NME7: variants seen among roughly 807,000 people sequenced by gnomAD.
NME7 encodes NME/NM23 family member 7.
A neutral mutation model predicts 49.1 loss-of-function variants in NME7; 41 were observed. The ratio of observed to expected loss-of-function variants is 0.83; its 90% CI spans 0.65 to 1.08. NME7 has a LOEUF of 1.08. NME7 is among the 50% of genes least tolerant of loss of function. NME7 has a pLI of 0.00. For missense variants in NME7, 423 were observed against 463.4 expected (o/e 0.91, Z 0.80); for synonymous variants, 139 against 150.6 (o/e 0.92, Z 0.56).
At chr1:169,225,127 CAGAG>C (rs1032844636) in intron 10 of NME7, among the ~76,000 whole-genome samples, 2 of 151,916 alleles carry the variant, frequency 1.3e-5, no homozygotes, top group African/African-American at 2.4e-5. Flanking sequence ...TTTCTTTAGA[CAGAG>C]AGAGTATCAC....
At chr1:169,283,474 T>G (rs555499202) in intron 7 of NME7, among the ~76,000 whole-genome samples, 1 of 152,328 alleles carries the variant, frequency 6.6e-6, no homozygotes, top group Non-Finnish European at 1.5e-5. Context: ...AGTTGTGAAT[T>G]TGATCCTGTC....
intron 10 of NME7, among the ~76,000 whole-genome samples, chr1:169,191,427 C>T (rs1384148117): frequency 6.6e-6 from 1 of 152,134 alleles, no homozygotes; most frequent in Non-Finnish European, 1.5e-5. Context: ...ATGCGTAATT[C>T]TTGACCCTGA....
chr1:169,360,604 G>T (rs1047382202), intron 1 of NME7, among the ~76,000 whole-genome samples: 2 of 152,054 alleles, frequency 1.3e-5, no homozygotes, highest in Admixed American at 1.3e-4. Context: ...TCTCCCTCCT[G>T]TTCCTCTAAT....
chr1:169,237,774 C>CT, intron 7 of NME7, 87 bp from the exon 8 acceptor site: 2 of 975,426 alleles, frequency 2.1e-6, no homozygotes, highest in Non-Finnish European at 3.2e-6. Flanking sequence ...TAGCAAAGTA[C>CT]TTTTTGTTTA....
chr1:169,183,020 C>T (rs1037266425), intron 10 of NME7, among the ~76,000 whole-genome samples: 1 of 152,152 alleles, frequency 6.6e-6, no homozygotes, highest in African/African-American at 2.4e-5. Context: ...TAGGACACAC[C>T]TGCCTGAGAA....
At chr1:169,331,643 A>G (rs1652260317) in intron 1 of NME7, among the ~76,000 whole-genome samples, 1 of 152,222 alleles carries the variant, frequency 6.6e-6, no homozygotes, top group African/African-American at 2.4e-5. Context: ...AAATCATACA[A>G]ATATCAGTGG....
chr1:169,191,023 G>A lies in NME7; in HGVS notation c.991-21469C>T, dbSNP rs1393090306. On this transcript the variant is annotated intron_variant, in intron 10 of 11. Transcript: ENST00000367811. Reference sequence around the variant, plus strand: ...GAGACAGGGTTTCACCGTTTTAGCCGGGATGGTCTCGATCTCCTGACCTCG... The same window carrying A: ...GAGACAGGGTTTCACCGTTTTAGCCAGGATGGTCTCGATCTCCTGACCTCG... Among the ~76,000 whole-genome samples the A allele has an allele frequency of 1.1e-4, 8 of 71,010 alleles. 1 individual carries two copies. Among genetic ancestry groups the A allele is most frequent in the South Asian group, 4.0e-4 (1 of 2,472 alleles). The allele number at this position is 71,010 out of a possible 152,430, so 46.6% of individuals were successfully genotyped here. A position where few individuals can be genotyped will look rare whatever the true frequency, so the allele number is the denominator to read the frequency against.
chr1:169,226,031 T>TAA (rs1040253357), intron 10 of NME7, among the ~76,000 whole-genome samples: 2 of 152,180 alleles, frequency 1.3e-5, no homozygotes, highest in Admixed American at 6.5e-5. Context: ...TATATATATA[T>TAA]AATATAGCCA....
chr1:169,197,527 A>T (rs1483749129), intron 10 of NME7, among the ~76,000 whole-genome samples: 1 of 152,142 alleles, frequency 6.6e-6, no homozygotes, highest in Non-Finnish European at 1.5e-5. Flanking sequence ...GGATTAATGG[A>T]ATAGAATTGA....
rs1490876610 is a variant in NME7, at chr1:169,324,412, C to A, written c.92G>T (p.Gly31Val). Reference sequence around the variant, plus strand: ...ATTTACCATTTCAACAGATCCATCCCCTGGGTAAAATAAAAGCTCATAACG... The same window carrying A: ...ATTTACCATTTCAACAGATCCATCCACTGGGTAAAATAAAAGCTCATAACG... ...LRRYELLFYP[G>V]DGSVEMHDVK... Residue 31 changes from glycine (G) to valine (V), a missense_variant, in exon 2 of 12, where the codon GGG (glycine) becomes GTG (valine). Transcript: ENST00000367811. The A allele has an allele frequency of 6.2e-7, 1 of 1,611,808 alleles. No individual in the cohort carries two copies. The highest frequency in any genetic ancestry group is 1.3e-5 in the African/African-American group (1 of 74,830).
chr1:169,250,501 T>G (rs1385837880), intron 7 of NME7, among the ~76,000 whole-genome samples: 1 of 152,128 alleles, frequency 6.6e-6, no homozygotes, highest in Non-Finnish European at 1.5e-5. Flanking sequence ...CTTTGTTATT[T>G]CTTTTCTTCT....
chr1:169,279,105 G>A (rs1020210176), intron 7 of NME7, among the ~76,000 whole-genome samples: 5 of 152,212 alleles, frequency 3.3e-5, no homozygotes, highest in Non-Finnish European at 7.3e-5. Context: ...CTGTGGGGGT[G>A]CCTCCCAGTT....
intron 7 of NME7, chr1:169,246,889 A>C (rs1648341775): frequency 2.6e-6 from 1 of 381,262 alleles, no homozygotes; most frequent in Non-Finnish European, 5.1e-6. Context: ...CAGTATAACA[A>C]CACCTTTGTA....
intron 10 of NME7, 73 bp downstream of exon 10, chr1:169,230,645 C>A: frequency 1.1e-6 from 1 of 932,120 alleles, no homozygotes; most frequent in South Asian, 2.9e-5. Context: ...AAGGAACAAA[C>A]GAAAAATTTT....
At chr1:169,221,923 T>G (rs1661155514) in intron 10 of NME7, among the ~76,000 whole-genome samples, 1 of 148,422 alleles carries the variant, frequency 6.7e-6, no homozygotes, top group Non-Finnish European at 1.5e-5. Context: ...TGTTTTATTT[T>G]TGTTTGTTTG....
chr1:169,342,944 C>G (rs905114174), intron 1 of NME7, among the ~76,000 whole-genome samples: 21 of 27,874 alleles, frequency 7.5e-4, no homozygotes, highest in Admixed American at 1.0e-3. Context: ...CATATATATA[C>G]TTGTATTAGT....
chr1:169,297,537 T>A (rs1650759250), intron 6 of NME7, among the ~76,000 whole-genome samples: 1 of 152,112 alleles, frequency 6.6e-6, no homozygotes, highest in African/African-American at 2.4e-5. Flanking sequence ...AATATGCTAT[T>A]CAAGGAATAG....
Position 169,237,800 on chromosome 1 carries a change from A to G in NME7, c.755-113T>C. ...TTTTTGTTTATACTCTATATTTAAA[A>G]AAACACATATTTTGCAAGAGAAACT... is the stretch of plus-strand genomic sequence containing the variant. On this transcript the variant is annotated intron_variant, in intron 7 of 11. Coordinates refer to ENST00000367811, the MANE Select transcript of NME7 (RefSeq NM_013330.5). 4.4e-6 allele frequency: 3 copies of G among 678,144 alleles called. No individual in the cohort carries two copies. The South Asian group carries it at 5.7e-5, about 13-fold the overall frequency. 42.0% of individuals were successfully genotyped at this position (678,144 alleles called of 1,614,324 possible).
chr1:169,196,257 G>C (rs1317272538), intron 10 of NME7, among the ~76,000 whole-genome samples: 1 of 152,154 alleles, frequency 6.6e-6, no homozygotes, highest in African/African-American at 2.4e-5. Context: ...TCACAGAACA[G>C]TATTTGTTTA....
Sources: allele counts gnomAD v4.1 joint callset (sites outside exome capture counted in the v4.1 genomes callset), GRCh38; gene constraint gnomAD v4.1.1; transcripts MANE v1.5; gene names NCBI Gene and HGNC (gene_info 2026-07-23, HGNC 2026-07-21).